The following KIF16B variants were observed in gnomAD, a reference collection of about 807,000 sequenced individuals.
The protein encoded by KIF16B is kinesin-like protein KIF16B.
Under a neutral mutation model 156.3 loss-of-function variants are expected in KIF16B, and 98 were observed. The ratio of observed to expected loss-of-function variants is 0.63; its 90% CI spans 0.53 to 0.74. The LOEUF (loss-of-function observed/expected upper bound fraction) is 0.74. Ranked by LOEUF, KIF16B falls within the 30% of genes least tolerant of loss-of-function variation. KIF16B has a pLI of 0.00. For missense variants in KIF16B, 1,421 were observed against 1,606.5 expected (o/e 0.88, Z 1.97); for synonymous variants, 564 against 583.7 (o/e 0.97, Z 0.49).
intron 23 of KIF16B, among the ~76,000 whole-genome samples, chr20:16,346,154 C>A (rs2064230179): frequency 6.6e-6 from 1 of 152,192 alleles, no homozygotes; most frequent in Non-Finnish European, 1.5e-5. Context: ...GAAGCTTGAC[C>A]AACTGCAGAA....
At position 16,368,817 on chromosome 20, in the gene KIF16B, T is replaced by G. The variant is rs1272544093; in HGVS notation, c.3498+1769A>C. 4.1e-6 allele frequency: 4 copies of G among 985,660 alleles called. 1 individual carries two copies. The African/African-American group carries it at 7.0e-5, about 17-fold the overall frequency. 61.1% of individuals were successfully genotyped at this position (985,660 alleles called of 1,614,324 possible). On this transcript the variant is annotated intron_variant, in intron 22 of 25. Transcript: ENST00000354981. ...GCCTGGCCTGCTTGCCTCCGCTATTTATAGACACTTCTTGGGACGTATGTT... is the reference window on the plus strand; with the variant it reads ...GCCTGGCCTGCTTGCCTCCGCTATTGATAGACACTTCTTGGGACGTATGTT...
intron 12 of KIF16B, 117 bp from the exon 13 acceptor site, chr20:16,430,099 A>G (rs914140833): frequency 1.8e-6 from 2 of 1,081,684 alleles, no homozygotes; most frequent in African/African-American, 3.2e-5. Flanking sequence ...AAAAAACTGC[A>G]AGAAAAATGG....
At chr20:16,357,106 T>C (rs1485876189) in intron 22 of KIF16B, among the ~76,000 whole-genome samples, 1 of 152,242 alleles carries the variant, frequency 6.6e-6, no homozygotes, top group African/African-American at 2.4e-5. Context: ...CAAATGAAGT[T>C]GTCTTAAGTG....
chr20:16,484,050 G>A (rs184798709), intron 12 of KIF16B, among the ~76,000 whole-genome samples: 15 of 152,030 alleles, frequency 9.9e-5, no homozygotes, highest in East Asian at 9.7e-4. Context: ...CAATAAATAC[G>A]CAGTCAGAGC....
intron 1 of KIF16B, among the ~76,000 whole-genome samples, chr20:16,567,706 T>G (rs570728985): frequency 6.6e-6 from 1 of 152,132 alleles, no homozygotes; most frequent in African/African-American, 2.4e-5. Context: ...ATACCAGCAC[T>G]TGGGGAGGCT....
At chr20:16,543,487 G>T (rs2070282444) in intron 1 of KIF16B, among the ~76,000 whole-genome samples, 2 of 152,204 alleles carry the variant, frequency 1.3e-5, no homozygotes, top group Non-Finnish European at 2.9e-5. Flanking sequence ...TAGGACAGAA[G>T]TCAACTCATT....
At chr20:16,472,185 C>T (rs1451557195) in intron 12 of KIF16B, among the ~76,000 whole-genome samples, 1 of 152,206 alleles carries the variant, frequency 6.6e-6, no homozygotes, top group African/African-American at 2.4e-5. Flanking sequence ...TCTGCATATG[C>T]TTTCGTTCCA....
intron 22 of KIF16B, among the ~76,000 whole-genome samples, chr20:16,366,508 C>T (rs1051392903): frequency 6.6e-6 from 1 of 151,980 alleles, no homozygotes; most frequent in Non-Finnish European, 1.5e-5. Context: ...GAGCTGAAAT[C>T]GCAAGAGTTA....
chr20:16,460,961 A>T (rs1438941002), intron 12 of KIF16B, among the ~76,000 whole-genome samples: 1 of 152,168 alleles, frequency 6.6e-6, no homozygotes, highest in Admixed American at 6.5e-5. Flanking sequence ...AAACTTCTAG[A>T]GAATCTAAAT....
At chr20:16,444,921 A>C (rs1348552927) in intron 12 of KIF16B, among the ~76,000 whole-genome samples, 3 of 152,260 alleles carry the variant, frequency 2.0e-5, no homozygotes, top group Non-Finnish European at 4.4e-5. Flanking sequence ...ATTCTAAATA[A>C]ACTAAGTTCT....
At chr20:16,564,213 C>G (rs903030705) in intron 1 of KIF16B, among the ~76,000 whole-genome samples, 1 of 152,114 alleles carries the variant, frequency 6.6e-6, no homozygotes, top group Non-Finnish European at 1.5e-5. Flanking sequence ...CGGTAATTTG[C>G]TGAGAATGAT....
chr20:16,509,289 A>G (rs892231506), intron 6 of KIF16B, among the ~76,000 whole-genome samples: 3 of 152,242 alleles, frequency 2.0e-5, no homozygotes, highest in African/African-American at 7.2e-5. Context: ...ATGCTGCTAC[A>G]AATCACCTTG....
chr20:16,410,002 T>TATATATATGTAGGTAC (rs1220750342), intron 15 of KIF16B, among the ~76,000 whole-genome samples: 3 of 122,734 alleles, frequency 2.4e-5, no homozygotes, highest in African/African-American at 6.4e-5. Flanking sequence ...TGTAGGTACA[T>TATATATATGTAGGTAC]ATATATATGT....
chr20:16,311,707 T>G (rs1199828539), intron 25 of KIF16B, among the ~76,000 whole-genome samples: 1 of 152,174 alleles, frequency 6.6e-6, no homozygotes, highest in African/African-American at 2.4e-5. Flanking sequence ...CCTGCCTTAG[T>G]GAAAAGACTC....
chr20:16,457,602 C>T (rs2067243857), intron 12 of KIF16B, among the ~76,000 whole-genome samples: 1 of 152,168 alleles, frequency 6.6e-6, no homozygotes, highest in Non-Finnish European at 1.5e-5. Flanking sequence ...AAGCCATCAT[C>T]AACAGCTGAG....
chr20:16,334,689 A>T (rs2064004739), intron 24 of KIF16B, among the ~76,000 whole-genome samples: 1 of 152,086 alleles, frequency 6.6e-6, no homozygotes. Context: ...GGTAATGAGT[A>T]CCTTGAGATC....
chr20:16,340,669 C>T (rs1439479332), intron 23 of KIF16B, among the ~76,000 whole-genome samples: 1 of 152,170 alleles, frequency 6.6e-6, no homozygotes, highest in Non-Finnish European at 1.5e-5. Context: ...GGGGCTTTAG[C>T]CTATGGTGTT....
At chr20:16,501,174 C>T (rs1056797197) in intron 10 of KIF16B, among the ~76,000 whole-genome samples, 2 of 151,572 alleles carry the variant, frequency 1.3e-5, no homozygotes, top group Non-Finnish European at 3.0e-5. Context: ...GAAAACTGTA[C>T]ATTATCAAGT....
chr20:16,548,979 A>G (rs2070521860), intron 1 of KIF16B, among the ~76,000 whole-genome samples: 1 of 151,924 alleles, frequency 6.6e-6, no homozygotes, highest in South Asian at 2.1e-4. Context: ...TAAAGTAAAT[A>G]AAGGAAAAGA....
Sources: allele counts gnomAD v4.1 joint callset (sites outside exome capture counted in the v4.1 genomes callset), GRCh38; gene constraint gnomAD v4.1.1; transcripts MANE v1.5; gene names NCBI Gene and HGNC (gene_info 2026-07-23, HGNC 2026-07-21).